NSRP1: variants seen among roughly 807,000 people sequenced by gnomAD.
NSRP1 encodes coiled-coil domain containing 55.
NSRP1 carries 24 observed loss-of-function variants against 54.7 expected under a neutral mutation model. The observed-to-expected ratio is 0.44, with a 90% CI of 0.32 to 0.62. NSRP1 has a LOEUF of 0.62. NSRP1 is among the 20% of genes least tolerant of loss of function. NSRP1 has a pLI of 0.06. For synonymous variants in NSRP1, 210 were observed against 213.8 expected, an observed-to-expected ratio of 0.98 and a Z score of 0.15; for missense variants, 596 against 651.2, an observed-to-expected ratio of 0.92 and a Z score of 0.92.
intron 2 of NSRP1, among the ~76,000 whole-genome samples, chr17:30,163,675 A>AGATAG (rs548499433): frequency 7.3e-6 from 1 of 137,808 alleles, no homozygotes; most frequent in Non-Finnish European, 1.6e-5. Context: ...CTATACTTTG[A>AGATAG]CCACTTTTTT....
intron 2 of NSRP1, among the ~76,000 whole-genome samples, chr17:30,143,172 TTGTGTTTCAGTGTA>T (rs2071821840): frequency 1.3e-5 from 2 of 152,362 alleles, no homozygotes; most frequent in African/African-American, 4.8e-5. Flanking sequence ...TATTTTCATG[TTGTGTTTCAGTGTA>T]TGTTGTCAGA....
intron 1 of NSRP1, chr17:30,117,857 G>A: frequency 2.7e-6 from 1 of 374,246 alleles, no homozygotes; most frequent in Admixed American, 4.4e-5. Flanking sequence ...AATGGTATTC[G>A]AGTTTGGCCC....
At chr17:30,183,514 T>C (rs926769906) in intron 6 of NSRP1, among the ~76,000 whole-genome samples, 1 of 152,220 alleles carries the variant, frequency 6.6e-6, no homozygotes, top group African/African-American at 2.4e-5. Context: ...GTTGACATAG[T>C]TGTACTTCTT....
At chr17:30,161,369 G>T (rs1165972034) in intron 2 of NSRP1, among the ~76,000 whole-genome samples, 2 of 151,980 alleles carry the variant, frequency 1.3e-5, no homozygotes, top group African/African-American at 2.4e-5. Context: ...TTTGTCTCTT[G>T]TCTGTGGATC....
intron 2 of NSRP1, among the ~76,000 whole-genome samples, chr17:30,147,150 C>T (rs1456157281): frequency 3.8e-5 from 5 of 131,190 alleles, no homozygotes; most frequent in Non-Finnish European, 6.3e-5. Context: ...TTTTTTGAGA[C>T]GGAATTTTGC....
chr17:30,149,776 A>T (rs2071888583), intron 2 of NSRP1, among the ~76,000 whole-genome samples: 1 of 149,806 alleles, frequency 6.7e-6, no homozygotes, highest in Non-Finnish European at 1.5e-5. Context: ...TCAAGGCTGC[A>T]GTGAGCCATG....
Position 30,181,028 on chromosome 17 carries a change from T to C in NSRP1, c.617+12T>C. On this transcript the variant is annotated intron_variant, in intron 6 of 6. Transcript: ENST00000247026. ...TTTCGTGAAGCCAGGTGAGGAGACG[T>C]GTATGAAATATTTTGAAGAAAAATA... 6.7e-7 allele frequency: 1 copy of C among 1,502,004 alleles called. No individual in the cohort carries two copies. Among genetic ancestry groups the C allele is most frequent in the Non-Finnish European group, 9.3e-7 (1 of 1,078,128 alleles). 93.0% of individuals were successfully genotyped at this position (1,502,004 alleles called of 1,614,324 possible).
chr17:30,117,856 C>A (rs1258227059), intron 1 of NSRP1: 2 of 368,186 alleles, frequency 5.4e-6, no homozygotes, highest in Non-Finnish European at 9.6e-6. Flanking sequence ...AAATGGTATT[C>A]GAGTTTGGCC....
intron 2 of NSRP1, among the ~76,000 whole-genome samples, chr17:30,135,048 A>G (rs760378584): frequency 1.3e-5 from 2 of 152,138 alleles, no homozygotes; most frequent in Non-Finnish European, 2.9e-5. Flanking sequence ...TTCAATGGGT[A>G]TGCTGCTACT....
At chr17:30,172,320 A>G (rs969384148) in intron 2 of NSRP1, among the ~76,000 whole-genome samples, 1 of 152,212 alleles carries the variant, frequency 6.6e-6, no homozygotes, top group Non-Finnish European at 1.5e-5. Flanking sequence ...TAAATGTTCT[A>G]AAATCTAAAA....
At chr17:30,170,493 T>G (rs1904890462) in intron 2 of NSRP1, among the ~76,000 whole-genome samples, 1 of 152,216 alleles carries the variant, frequency 6.6e-6, no homozygotes, top group Non-Finnish European at 1.5e-5. Flanking sequence ...TTTTAAGTTC[T>G]TTATCTCTGT....
intron 2 of NSRP1, among the ~76,000 whole-genome samples, chr17:30,119,618 T>G (rs2071579274): frequency 6.6e-6 from 1 of 152,186 alleles, no homozygotes; most frequent in African/African-American, 2.4e-5. Flanking sequence ...TTCTCCTGCC[T>G]CAGCCTGCTG....
rs779830066 is a variant in NSRP1 at position 30,184,961 on chromosome 17, C to T, written c.964C>T (p.Gln322Ter). 4 of 1,614,004 alleles carry T rather than the reference C, an allele frequency of 2.5e-6. No homozygotes were observed. The highest frequency in any genetic ancestry group is 3.3e-5 in the Admixed American group (2 of 59,988). The change falls in exon 7 of 7, where the codon CAG becomes TAG. Residue 322 changes from glutamine (Q) to a stop codon, truncating the protein, a stop_gained. Coordinates refer to ENST00000247026, the MANE Select transcript of NSRP1 (RefSeq NM_032141.4). LOFTEE classifies it high-confidence loss of function. ...GHEKREDQHQ[Q>*]KQSRDQENHY... is the part of the protein sequence containing the mutation. ...TGAGAAAAGGGAAGATCAGCACCAG[C>T]AGAAGCAATCCAGAGACCAAGAGAA... is the stretch of plus-strand genomic sequence containing the variant.
intron 2 of NSRP1, among the ~76,000 whole-genome samples, chr17:30,149,444 G>A (rs2143003307): frequency 6.6e-6 from 1 of 152,268 alleles, no homozygotes; most frequent in East Asian, 1.9e-4. Context: ...TTATCATAGA[G>A]GAGTAAGATT....
intron 2 of NSRP1, among the ~76,000 whole-genome samples, chr17:30,152,903 C>CTTTTTTTTTTTTTTTT (rs60246615): frequency 1.9e-4 from 9 of 46,920 alleles, no homozygotes; most frequent in African/African-American, 3.0e-4. Context: ...TTATTTTCAG[C>CTTTTTTTTTTTTTTTT]TTTTTTTTTT....
chr17:30,163,608 GAAA>G (rs899530993), intron 2 of NSRP1, among the ~76,000 whole-genome samples: 1 of 148,816 alleles, frequency 6.7e-6, no homozygotes. Context: ...AATGAAGGGA[GAAA>G]AAAACTAAGA....
Position 30,172,477 on chromosome 17 carries a change from A to G in NSRP1, c.115-65A>G, listed in dbSNP as rs909929578. Reference sequence around the variant, plus strand: ...TGGTCCCATGTATTTTAGATAGGGGACGCTCGTACTGGAAAAGAAATTTTA... The same window carrying G: ...TGGTCCCATGTATTTTAGATAGGGGGCGCTCGTACTGGAAAAGAAATTTTA... On this transcript the variant is annotated intron_variant, in intron 2 of 6. Transcript: ENST00000247026. 3.2e-6 allele frequency: 4 copies of G among 1,264,606 alleles called. No homozygotes were observed. In the African/African-American group the frequency reaches 4.5e-5, roughly 14 times the overall value. The allele number at this position is 1,264,606 out of a possible 1,614,324, so 78.3% of individuals were successfully genotyped here.
chr17:30,177,544 T>A (rs911980998), intron 3 of NSRP1, among the ~76,000 whole-genome samples: 2 of 151,994 alleles, frequency 1.3e-5, no homozygotes, highest in Non-Finnish European at 2.9e-5. Flanking sequence ...GAAAAAAACA[T>A]CATTTGAGAT....
rs769044389 is a variant in NSRP1 at position 30,184,892 on chromosome 17, A to T, written c.895A>T (p.Ser299Cys). Residue 299 changes from serine to cysteine, a missense_variant, in exon 7 of 7, where the codon AGT becomes TGT. Ser to Cys is a moderately radical substitution (Grantham distance 112, BLOSUM62 -1). Coordinates refer to ENST00000247026, the MANE Select transcript of NSRP1 (RefSeq NM_032141.4). ...SRSPSEERGH[S>C]TRHHTKGSRT... ...GTCACCTAGTGAAGAAAGAGGGCACAGTACCAGGCACCACACGAAAGGATC... is the reference window on the plus strand; with the variant it reads ...GTCACCTAGTGAAGAAAGAGGGCACTGTACCAGGCACCACACGAAAGGATC... 1 of 1,614,180 alleles carries T rather than the reference A, an allele frequency of 6.2e-7. No individual in the cohort carries two copies. The highest frequency in any genetic ancestry group is 8.5e-7 in the Non-Finnish European group (1 of 1,180,028).
Sources: gnomAD v4.1 joint callset for allele counts (sites outside exome capture counted in the v4.1 genomes callset) on GRCh38, gnomAD v4.1.1 for gene constraint, MANE v1.5 for transcripts, NCBI Gene and HGNC (gene_info 2026-07-23, HGNC 2026-07-21) for gene names.